Variants in CRELD2 observed in about 807,000 individuals in gnomAD.
The protein encoded by CRELD2 is protein disulfide isomerase CRELD2.
In CRELD2, 33 loss-of-function variants were observed where a neutral mutation model predicts 48.1. The ratio of observed to expected loss-of-function variants is 0.69; its 90% CI spans 0.52 to 0.92. The LOEUF is 0.92. Ranked by LOEUF, CRELD2 falls within the 40% of genes least tolerant of loss-of-function variation. The probability of loss-of-function intolerance (pLI) is 0.00; values close to 1 mark genes in which losing one functional copy is unlikely to be tolerated. For synonymous variants in CRELD2, 220 were observed against 203.9 expected (o/e 1.08, Z -0.67); for missense variants, 477 against 482.4 (o/e 0.99, Z 0.10).
chr22:49,923,568 G>A (rs534186598), intron 7 of CRELD2: 1 of 598,796 alleles, frequency 1.7e-6, no homozygotes, highest in African/African-American at 1.9e-5. Context: ...CACTGCTCGT[G>A]CCCCCCCAGC....
At chr22:49,924,327 AT>A in intron 7 of CRELD2, 32 bp from the exon 8 acceptor site, 1 of 1,537,712 alleles carries the variant, frequency 6.5e-7, no homozygotes, top group Non-Finnish European at 8.9e-7. Context: ...TGCCTTGTGC[AT>A]GTCGGGGTCT....
rs749140480 is a variant in CRELD2 at position 49,923,332 on chromosome 22, C to CGAGTCTGCACTCCG, written c.772+16_772+17insAGTCTGCACTCCGG. ...CACGTGCGAAGGTGGGCCAGGCGGG[C>CGAGTCTGCACTCCG]GGGTCTGCACTCCGGGGCCTGCCGG... On this transcript the variant is annotated intron_variant, in intron 7 of 9. Coordinates refer to ENST00000328268, the MANE Select transcript of CRELD2 (RefSeq NM_024324.5). 3.6e-6 allele frequency: 5 copies of CGAGTCTGCACTCCG among 1,383,012 alleles called. No individual in the cohort carries two copies. Among genetic ancestry groups the CGAGTCTGCACTCCG allele is most frequent in the Non-Finnish European group, 4.8e-6 (5 of 1,035,230 alleles). 85.7% of individuals were successfully genotyped at this position (1,383,012 alleles called of 1,614,324 possible). A position where few individuals can be genotyped will look rare whatever the true frequency, so the allele number is the denominator to read the frequency against.
At position 49,919,805 on chromosome 22, in the gene CRELD2, G is replaced by A. The variant is rs768159909; in HGVS notation, c.288G>A (p.Ala96=). The A allele has an allele frequency of 5.6e-6, 9 of 1,612,446 alleles. No homozygotes were observed. The highest frequency in any genetic ancestry group is 4.4e-5 in the South Asian group (4 of 90,708). ...SDFECNQMLE[A]QEEHLEAWWL... ...TCGAATGCAATCAGATGCTAGAGGC[G>A]CAGGAGGAGCACCTGGAGGCCTGGT... The change falls in exon 3 of 10, where the codon GCG becomes GCA. Residue 96 remains alanine, a synonymous_variant. Coordinates refer to ENST00000328268, the MANE Select transcript of CRELD2 (RefSeq NM_024324.5).
chr22:49,924,700 G>A, intron 8 of CRELD2: 2 of 321,640 alleles, frequency 6.2e-6, no homozygotes, highest in Non-Finnish European at 1.2e-5. Flanking sequence ...CCTCTCGCCG[G>A]TGGCCTCGTT....
At chr22:49,923,149 G>A (rs56265042) in intron 6 of CRELD2, 85 bp from the exon 7 acceptor site, 109,866 of 1,117,330 alleles carry the variant, frequency 0.098, 5,896 homozygotes, top group South Asian at 0.13. Flanking sequence ...CCCTGGCCAC[G>A]GGCTGTGTCA....
intron 8 of CRELD2, 61 bp downstream of exon 8, chr22:49,924,516 T>C (rs938103854): frequency 6.3e-6 from 8 of 1,265,462 alleles, no homozygotes; most frequent in African/African-American, 3.0e-5. Context: ...ATGATGTGAA[T>C]GGCCCCAGCA....
chr22:49,925,672 A>G (rs757758608), intron 9 of CRELD2, 115 bp downstream of exon 9: 11 of 1,546,350 alleles, frequency 7.1e-6, no homozygotes, highest in African/African-American at 2.7e-5. Context: ...AGATGGTGAG[A>G]GGGGGATTCC....
At chr22:49,921,798 C>T (rs372920200) in intron 5 of CRELD2, 37 bp downstream of exon 5, 20 of 1,577,640 alleles carry the variant, frequency 1.3e-5, no homozygotes, top group Middle Eastern at 1.7e-4. Context: ...GGGGTTGAGG[C>T]GGGATGACAA....
At chr22:49,925,586 G>T in intron 9 of CRELD2, 29 bp downstream of exon 9, 1 of 1,612,008 alleles carries the variant, frequency 6.2e-7, no homozygotes, top group Middle Eastern at 1.7e-4. Context: ...CTCCACACAG[G>T]CTGCCCTCCC....
At chr22:49,924,503 AC>A in intron 8 of CRELD2, 48 bp downstream of exon 8, 1 of 1,382,402 alleles carries the variant, frequency 7.2e-7, no homozygotes. Flanking sequence ...TTCCCAAGTG[AC>A]CATGATGTGA....
intron 9 of CRELD2, 45 bp from the exon 10 acceptor site, chr22:49,927,210 G>T (rs2060777334): frequency 6.4e-7 from 1 of 1,568,580 alleles, no homozygotes. Flanking sequence ...CATCCCCAGG[G>T]CCCTTTGTGC....
intron 8 of CRELD2, chr22:49,924,685 A>G (rs1042136677): frequency 1.7e-5 from 6 of 363,142 alleles, no homozygotes; most frequent in African/African-American, 2.1e-5. Flanking sequence ...GCGCTGCTGC[A>G]CCAGCCTCTC....
rs753273174 is a variant in CRELD2, at chr22:49,923,417, C to T, written c.772+100C>T. Reference sequence around the variant, plus strand: ...GCTTCTTAGTGTCACTTCCATACATCCTGCCTGCCCTGAGAACACTTAGTG... The same window carrying T: ...GCTTCTTAGTGTCACTTCCATACATTCTGCCTGCCCTGAGAACACTTAGTG... On this transcript the variant is annotated intron_variant, in intron 7 of 9. Coordinates refer to ENST00000328268, the MANE Select transcript of CRELD2 (RefSeq NM_024324.5). 17 of 869,830 alleles carry T rather than the reference C, an allele frequency of 2.0e-5. 2 individuals are homozygous for T. Among genetic ancestry groups the T allele is most frequent in the South Asian group, 1.8e-4 (13 of 71,300 alleles). 53.9% of individuals were successfully genotyped at this position (869,830 alleles called of 1,614,324 possible).
At chr22:49,919,011 CCCCTCACCCTGGATT>C in intron 1 of CRELD2, 113 bp downstream of exon 1, 1 of 952,252 alleles carries the variant, frequency 1.1e-6, no homozygotes, top group Non-Finnish European at 1.5e-6. Flanking sequence ...ATCCGGGGTC[CCCCTCACCCTGGATT>C]CGGGATCCCC....
Position 49,919,439 on chromosome 22 carries a change from G to C in CRELD2, c.212+127G>C, listed in dbSNP as rs901332090. ...CCCCCGAGGCACCAGTCACCCGTCC[G>C]AGTCACCTCGGCTTCTCCCTGAGGA... On this transcript the variant is annotated intron_variant, in intron 2 of 9. Coordinates refer to ENST00000328268, the MANE Select transcript of CRELD2 (RefSeq NM_024324.5). 6 of 835,464 alleles carry C rather than the reference G, an allele frequency of 7.2e-6. No individual in the cohort carries two copies. The East Asian group carries it at 1.6e-4, about 22-fold the overall frequency. The allele number at this position is 835,464 out of a possible 1,614,324, so 51.8% of individuals were successfully genotyped here.
At chr22:49,919,333 C>T (rs765659540) in intron 2 of CRELD2, 21 bp downstream of exon 2, 6 of 1,605,878 alleles carry the variant, frequency 3.7e-6, no homozygotes, top group Admixed American at 3.3e-5. Flanking sequence ...TGGAGCACCC[C>T]TGTGGGTCTT....
At chr22:49,925,794 G>T in intron 9 of CRELD2, 1 of 1,343,102 alleles carries the variant, frequency 7.4e-7, no homozygotes, top group Non-Finnish European at 9.7e-7. Flanking sequence ...GGCGATGAAG[G>T]GGGAAGTCTC....
At position 49,927,347 on chromosome 22, in the gene CRELD2, C is replaced by T. The variant is rs772807728; in HGVS notation, c.*40C>T. Reference sequence around the variant, plus strand: ...CCTTTAAATTATTCAGAAGGATGTCCCGTGGAAAATGTGGCCCTGAGGATG... The same window carrying T: ...CCTTTAAATTATTCAGAAGGATGTCTCGTGGAAAATGTGGCCCTGAGGATG... On this transcript the variant is annotated 3_prime_UTR_variant, in exon 10 of 10. Transcript: ENST00000328268. 2.5e-6 allele frequency: 4 copies of T among 1,581,218 alleles called. No homozygotes were observed. In the South Asian group the frequency reaches 4.4e-5, roughly 18 times the overall value.
Position 49,921,744 on chromosome 22 carries a change from C to G in CRELD2, c.575C>G (p.Thr192Ser). 2 of 1,611,986 alleles carry G rather than the reference C, an allele frequency of 1.2e-6. No individual in the cohort carries two copies. Among genetic ancestry groups the G allele is most frequent in the Non-Finnish European group, 1.7e-6 (2 of 1,179,452 alleles). The change falls in exon 5 of 10, where the codon ACC (threonine) becomes AGC (serine). Residue 192 changes from threonine to serine, a missense_variant. Thr to Ser is a moderately conservative substitution (Grantham distance 58). Transcript: ENST00000328268. Reference protein sequence around the residue: ...DGYFSSLRNETHSICTACDES... With the variant: ...DGYFSSLRNESHSICTACDES... Reference sequence around the variant, plus strand: ...TACTTCAGCTCGCTCCGGAACGAGACCCACAGCATCTGCACAGGTACGGGC... The same window carrying G: ...TACTTCAGCTCGCTCCGGAACGAGAGCCACAGCATCTGCACAGGTACGGGC...
Sources: allele counts gnomAD v4.1 joint callset, GRCh38; gene constraint gnomAD v4.1.1; transcripts MANE v1.5; gene names NCBI Gene and HGNC (gene_info 2026-07-23, HGNC 2026-07-21).